ADARB2: variants seen among roughly 807,000 people sequenced by gnomAD.
ADARB2 encodes adenosine deaminase RNA specific B2 (inactive).
In ADARB2, 25 loss-of-function variants were observed where a neutral mutation model predicts 62.2. That is an observed-to-expected ratio of 0.40 (90% CI 0.29 to 0.56). The LOEUF is 0.56. Ranked by LOEUF, ADARB2 falls within the 20% of genes least tolerant of loss-of-function variation. ADARB2 has a pLI of 0.43. For missense variants in ADARB2, 1,071 were observed against 1,077.4 expected (o/e 0.99, Z 0.08); for synonymous variants, 572 against 500.8 (o/e 1.14, Z -1.90).
intron 1 of ADARB2, among the ~76,000 whole-genome samples, chr10:1,614,879 C>G (rs916614767): frequency 6.6e-6 from 1 of 151,106 alleles, no homozygotes; most frequent in East Asian, 1.9e-4. Flanking sequence ...CCAGTGCACT[C>G]CAGTATGGGT....
chr10:1,368,325 G>A (rs1002912420), intron 2 of ADARB2, among the ~76,000 whole-genome samples: 18 of 152,214 alleles, frequency 1.2e-4, no homozygotes, highest in Admixed American at 3.3e-4. Context: ...AGAGTCGGCC[G>A]TGAGGGAACA....
chr10:1,493,040 G>T (rs1831642354), intron 1 of ADARB2, among the ~76,000 whole-genome samples: 1 of 152,176 alleles, frequency 6.6e-6, no homozygotes, highest in Non-Finnish European at 1.5e-5. Context: ...CATTTTTAAA[G>T]TTTGTGACAT....
intron 3 of ADARB2, among the ~76,000 whole-genome samples, chr10:1,284,213 G>A (rs1831393226): frequency 6.6e-6 from 1 of 152,184 alleles, no homozygotes; most frequent in Non-Finnish European, 1.5e-5. Flanking sequence ...ACGTTACCCA[G>A]GCACATGGAT....
rs1272135342 is a variant in ADARB2 at position 1,273,149 on chromosome 10, C to T, written c.1078-2080G>A. 5.3e-5 allele frequency among the ~76,000 whole-genome samples: 8 copies of T among 152,090 alleles called. No individual in the cohort carries two copies. In the East Asian group the frequency reaches 1.5e-3, roughly 29 times the overall value. On this transcript the variant is annotated intron_variant, in intron 3 of 9. Transcript: ENST00000381312. Reference sequence around the variant, plus strand: ...TTAACTTGAGGATATCTGCAGAGAACGTTTTCTCAGTCACCGTCATGGGGT... The same window carrying T: ...TTAACTTGAGGATATCTGCAGAGAATGTTTTCTCAGTCACCGTCATGGGGT...
At chr10:1,444,340 TCCA>T (rs2131897406) in intron 1 of ADARB2, among the ~76,000 whole-genome samples, 1 of 2,406 alleles carries the variant, frequency 4.2e-4, no homozygotes, top group South Asian at 0.021. Context: ...CACCCAGCCA[TCCA>T]CTCACCCATC....
intron 1 of ADARB2, among the ~76,000 whole-genome samples, chr10:1,605,066 G>T (rs561673354): frequency 1.3e-5 from 2 of 152,298 alleles, no homozygotes; most frequent in African/African-American, 2.4e-5. Context: ...GTAATAAATA[G>T]TATATTCAAT....
chr10:1,345,738 C>G lies in ADARB2; in HGVS notation c.1077+17290G>C, dbSNP rs370904866. On this transcript the variant is annotated intron_variant, in intron 3 of 9. Coordinates refer to ENST00000381312, the MANE Select transcript of ADARB2 (RefSeq NM_018702.4). ...ACAGAATCCACATGGACGCATGACT[C>G]TGCCCCTTTCAGTCTATTCTTAGCA... Among the ~76,000 whole-genome samples the G allele has an allele frequency of 6.6e-5, 10 of 152,232 alleles. No homozygotes were observed. In the East Asian group the frequency reaches 1.7e-3, roughly 26 times the overall value.
intron 4 of ADARB2, among the ~76,000 whole-genome samples, chr10:1,249,259 T>C (rs1831014164): frequency 6.6e-6 from 1 of 152,032 alleles, no homozygotes; most frequent in African/African-American, 2.4e-5. Flanking sequence ...CTGGGCAACA[T>C]AGCCAGACCC....
chr10:1,230,399 A>G (rs1418822897), intron 6 of ADARB2, among the ~76,000 whole-genome samples: 2 of 152,216 alleles, frequency 1.3e-5, no homozygotes, highest in Non-Finnish European at 2.9e-5. Flanking sequence ...GCTTGTCACC[A>G]TCGACACTGC....
chr10:1,400,965 T>C (rs1832656405), intron 1 of ADARB2, among the ~76,000 whole-genome samples: 1 of 152,136 alleles, frequency 6.6e-6, no homozygotes, highest in Non-Finnish European at 1.5e-5. Context: ...GAAGAAGGCC[T>C]GAGAATCATC....
chr10:1,461,022 T>C (rs1178995133), intron 1 of ADARB2, among the ~76,000 whole-genome samples: 1 of 152,260 alleles, frequency 6.6e-6, no homozygotes, highest in Admixed American at 6.5e-5. Flanking sequence ...AATTTAAATG[T>C]TAATTTGGAC....
intron 1 of ADARB2, among the ~76,000 whole-genome samples, chr10:1,545,365 T>G (rs1023201991): frequency 2.6e-5 from 4 of 152,222 alleles, no homozygotes; most frequent in African/African-American, 9.6e-5. Flanking sequence ...AAAATCAGTG[T>G]GATCTGAACA....
At position 1,678,397 on chromosome 10, in the gene ADARB2, G is replaced by A. The variant is rs536688548; in HGVS notation, c.100+58654C>T. 197 of 943,158 alleles carry A rather than the reference G, an allele frequency of 2.1e-4. 1 individual carries two copies. In the South Asian group the frequency reaches 8.3e-3, roughly 40 times the overall value. 58.4% of individuals were successfully genotyped at this position (943,158 alleles called of 1,614,324 possible). A position where few individuals can be genotyped will look rare whatever the true frequency, so the allele number is the denominator to read the frequency against. ...AGCATCCTCGGGCTGAGTGTCCTTG[G>A]GGTGAGCGTCTGCGCACCTTCCCTT... On this transcript the variant is annotated intron_variant, in intron 1 of 9. Transcript: ENST00000381312.
intron 1 of ADARB2, among the ~76,000 whole-genome samples, chr10:1,578,225 G>A (rs1040645956): frequency 6.6e-6 from 1 of 152,182 alleles, no homozygotes; most frequent in Non-Finnish European, 1.5e-5. Context: ...CACGTGCAGA[G>A]GCAGGAGGGC....
intron 1 of ADARB2, among the ~76,000 whole-genome samples, chr10:1,452,775 T>G (rs1222950694): frequency 2.0e-5 from 3 of 151,464 alleles, no homozygotes. Context: ...GTTCTGCACA[T>G]GTACCCCAGA....
intron 1 of ADARB2, among the ~76,000 whole-genome samples, chr10:1,475,240 G>A (rs1026650197): frequency 2.0e-5 from 3 of 152,216 alleles, no homozygotes; most frequent in African/African-American, 7.2e-5. Context: ...GCTGCTCTAG[G>A]GGCTTAGGTG....
chr10:1,351,904 A>G (rs1330151884), intron 3 of ADARB2, among the ~76,000 whole-genome samples: 1 of 147,720 alleles, frequency 6.8e-6, no homozygotes. Flanking sequence ...TTGCCTATCC[A>G]CCCCTTGGTG....
At chr10:1,279,217 G>A (rs555950816) in intron 3 of ADARB2, among the ~76,000 whole-genome samples, 5 of 152,142 alleles carry the variant, frequency 3.3e-5, no homozygotes, top group Admixed American at 6.5e-5. Context: ...TTCTCTTGGC[G>A]CGTGGGTGCT....
chr10:1,579,736 G>A (rs540725365), intron 1 of ADARB2, among the ~76,000 whole-genome samples: 173 of 152,310 alleles, frequency 1.1e-3, no homozygotes, highest in African/African-American at 3.8e-3. Context: ...AACAGAAGGC[G>A]AATTCCTTGG....
Sources: allele counts gnomAD v4.1 joint callset (sites outside exome capture counted in the v4.1 genomes callset), GRCh38; gene constraint gnomAD v4.1.1; transcripts MANE v1.5; gene names NCBI Gene and HGNC (gene_info 2026-07-23, HGNC 2026-07-21).